The following ME3 variants were observed in gnomAD, a reference collection of about 807,000 sequenced individuals.
ME3 encodes NADP-dependent malic enzyme, mitochondrial.
A neutral mutation model predicts 68.9 loss-of-function variants in ME3; 48 were observed. The ratio of observed to expected loss-of-function variants is 0.70; its 90% CI spans 0.55 to 0.89. The LOEUF is 0.89. Among genes scored for constraint, ME3 ranks in the 40% least tolerant of loss-of-function variants. The pLI, the probability that ME3 is intolerant of heterozygous loss-of-function variation, is 0.00. For synonymous variants in ME3, 320 were observed against 318.8 expected, an observed-to-expected ratio of 1.00 and a Z score of -0.04; for missense variants, 675 against 797.4, an observed-to-expected ratio of 0.85 and a Z score of 1.85.
intron 4 of ME3, among the ~76,000 whole-genome samples, chr11:86,529,282 A>C (rs1308022243): frequency 6.6e-6 from 1 of 152,202 alleles, no homozygotes; most frequent in Non-Finnish European, 1.5e-5. Context: ...TCCTCGACAC[A>C]TACACCCTCC....
At chr11:86,442,752 C>G (rs1352425234) in intron 14 of ME3, 69 bp downstream of exon 14, 2 of 1,345,006 alleles carry the variant, frequency 1.5e-6, no homozygotes, top group African/African-American at 2.9e-5. Context: ...CCTTAACCCT[C>G]CTAAAGTCAC....
intron 10 of ME3, 151 bp downstream of exon 10, chr11:86,449,738 G>T (rs1030250352): frequency 1.3e-5 from 8 of 594,334 alleles, no homozygotes; most frequent in Non-Finnish European, 2.4e-5. Context: ...AGGCTACTTT[G>T]GGATGAATCT....
rs1491166256 is a variant in ME3, at chr11:86,504,407, T to TTA, written c.543+4384_543+4385insTA. Among the ~76,000 whole-genome samples the TTA allele has an allele frequency of 1.9e-4, 24 of 125,564 alleles. 1 individual carries two copies. The highest frequency in any genetic ancestry group is 7.4e-4 in the African/African-American group (23 of 30,926). The allele number at this position is 125,564 out of a possible 152,430, so 82.4% of individuals were successfully genotyped here. A position where few individuals can be genotyped will look rare whatever the true frequency, so the allele number is the denominator to read the frequency against. ...TTTTTTTTTTTTTTTTTTTTTTTTTTGAGACAGAGTCTCACTACTCTCTCC... is the reference window on the plus strand; with the variant it reads ...TTTTTTTTTTTTTTTTTTTTTTTTTTTAGAGACAGAGTCTCACTACTCTCTCC... On this transcript the variant is annotated intron_variant, in intron 5 of 14. Coordinates refer to ENST00000543262, the Ensembl canonical transcript of ME3.
chr11:86,446,766 A>C, intron 12 of ME3: 1 of 592,614 alleles, frequency 1.7e-6, no homozygotes, highest in Non-Finnish European at 3.0e-6. Context: ...ACATGACAGG[A>C]TGTGGCCTAG....
Position 86,580,281 on chromosome 11 carries a change from C to T in ME3, c.184-20458G>A, listed in dbSNP as rs182698191. 2.2e-4 allele frequency among the ~76,000 whole-genome samples: 34 copies of T among 152,306 alleles called. No individual in the cohort carries two copies. The South Asian group carries it at 4.6e-3, about 20-fold the overall frequency. Reference sequence around the variant, plus strand: ...GAGACCTGCAGAGTGACCTCTCCTCCAAATGCCTCAAAATAAATGATGGCA... The same window carrying T: ...GAGACCTGCAGAGTGACCTCTCCTCTAAATGCCTCAAAATAAATGATGGCA... On this transcript the variant is annotated intron_variant, in intron 2 of 14. Coordinates refer to ENST00000543262, the Ensembl canonical transcript of ME3.
At chr11:86,437,635 A>G (rs1488875566), downstream of ME3, among the ~76,000 whole-genome samples, 2 of 152,156 alleles carry the variant, frequency 1.3e-5, no homozygotes, top group African/African-American at 2.4e-5. Flanking sequence ...TTTAATTTCT[A>G]TCAGCAATGT....
At chr11:86,603,683 T>C (rs1742857740) in intron 2 of ME3, among the ~76,000 whole-genome samples, 1 of 151,816 alleles carries the variant, frequency 6.6e-6, no homozygotes, top group African/African-American at 2.4e-5. Flanking sequence ...TAGCAAAGAC[T>C]TGGAACCAAC....
At chr11:86,554,711 A>C (rs909050549) in intron 4 of ME3, among the ~76,000 whole-genome samples, 4 of 152,230 alleles carry the variant, frequency 2.6e-5, no homozygotes, top group African/African-American at 9.6e-5. Context: ...ACCCAGGGTC[A>C]AGGAGATTAA....
intron 8 of ME3, among the ~76,000 whole-genome samples, chr11:86,464,473 T>C (rs1950378212): frequency 6.6e-6 from 1 of 152,188 alleles, no homozygotes; most frequent in Non-Finnish European, 1.5e-5. Flanking sequence ...CATGTTGGCT[T>C]TGGAAGGCTC....
At chr11:86,471,891 T>G (rs1426458996) in intron 7 of ME3, among the ~76,000 whole-genome samples, 1 of 152,156 alleles carries the variant, frequency 6.6e-6, no homozygotes, top group Non-Finnish European at 1.5e-5. Context: ...ATTTCACAGT[T>G]GAATGGGGAC....
At chr11:86,499,180 G>A (rs547456257) in intron 5 of ME3, among the ~76,000 whole-genome samples, 1 of 152,254 alleles carries the variant, frequency 6.6e-6, no homozygotes, top group Non-Finnish European at 1.5e-5. Flanking sequence ...TAAAATCCAG[G>A]GTAGAGGTGC....
intron 2 of ME3, among the ~76,000 whole-genome samples, chr11:86,598,634 G>A (rs916112403): frequency 6.6e-6 from 1 of 152,206 alleles, no homozygotes; most frequent in African/African-American, 2.4e-5. Context: ...TCTGAGAATG[G>A]GAAGACTGCC....
chr11:86,512,114 A>G (rs951148881), intron 4 of ME3, among the ~76,000 whole-genome samples: 19 of 152,182 alleles, frequency 1.2e-4, no homozygotes, highest in African/African-American at 3.9e-4. Context: ...CTTTACTGCA[A>G]TACCATGGTC....
At chr11:86,597,975 G>A (rs958780186) in intron 2 of ME3, among the ~76,000 whole-genome samples, 14 of 152,254 alleles carry the variant, frequency 9.2e-5, no homozygotes, top group African/African-American at 3.4e-4. Flanking sequence ...GAGCCAAGAT[G>A]GCCGAATAGG....
chr11:86,510,632 G>A (rs1953450111), intron 4 of ME3, among the ~76,000 whole-genome samples: 1 of 152,106 alleles, frequency 6.6e-6, no homozygotes, highest in South Asian at 2.1e-4. Context: ...GCACATTGTA[G>A]CATGTTTGGC....
chr11:86,449,110 A>G, intron 10 of ME3, among the ~76,000 whole-genome samples: 1 of 152,170 alleles, frequency 6.6e-6, no homozygotes, highest in East Asian at 1.9e-4. Flanking sequence ...TCTGCTGAGG[A>G]TCTCTGCCAT....
At chr11:86,473,445 AG>A (rs1451485758) in intron 7 of ME3, among the ~76,000 whole-genome samples, 1 of 152,186 alleles carries the variant, frequency 6.6e-6, no homozygotes, top group Admixed American at 6.5e-5. Context: ...TGAAGTAGGC[AG>A]GGTGACAGCT....
At chr11:86,653,780 C>T (rs1402429810) in intron 2 of ME3, among the ~76,000 whole-genome samples, 2 of 152,096 alleles carry the variant, frequency 1.3e-5, no homozygotes, top group Non-Finnish European at 2.9e-5. Flanking sequence ...ACACAAAAAT[C>T]CCTTCAAAAA....
At chr11:86,622,563 C>G (rs1298101969) in intron 2 of ME3, among the ~76,000 whole-genome samples, 2 of 152,026 alleles carry the variant, frequency 1.3e-5, no homozygotes, top group Admixed American at 1.3e-4. Flanking sequence ...TGGACCACAA[C>G]TGAAAAACAC....
Sources: gnomAD v4.1 joint callset for allele counts (sites outside exome capture counted in the v4.1 genomes callset) on GRCh38, gnomAD v4.1.1 for gene constraint, MANE v1.5 for transcripts, NCBI Gene and HGNC (gene_info 2026-07-23, HGNC 2026-07-21) for gene names.